The following RABGEF1 variants were observed in gnomAD, a reference collection of about 807,000 sequenced individuals.
The protein encoded by RABGEF1 is rab5 GDP/GTP exchange factor.
In RABGEF1, 26 loss-of-function variants were observed where a neutral mutation model predicts 57.3. The observed-to-expected ratio is 0.45, with a 90% CI of 0.33 to 0.63. RABGEF1 has a LOEUF of 0.63. RABGEF1 is among the 20% of genes least tolerant of loss of function. RABGEF1 has a pLI of 0.02. For synonymous variants in RABGEF1, 185 were observed against 210.7 expected (o/e 0.88, Z 1.06); for missense variants, 464 against 607.6 (o/e 0.76, Z 2.48).
intron 1 of RABGEF1, among the ~76,000 whole-genome samples, chr7:66,763,440 C>T (rs1310930051): frequency 1.3e-5 from 2 of 152,234 alleles, no homozygotes; most frequent in Non-Finnish European, 2.9e-5. Flanking sequence ...CTATTAGTCT[C>T]CTCCAGCTTC....
intron 2 of RABGEF1, among the ~76,000 whole-genome samples, chr7:66,734,016 A>C (rs565207540): frequency 6.6e-6 from 1 of 152,144 alleles, no homozygotes; most frequent in Non-Finnish European, 1.5e-5. Context: ...AAAACAAAAA[A>C]CAAAAAAAAC....
At chr7:66,741,592 AT>A (rs1798962263) in intron 1 of RABGEF1, among the ~76,000 whole-genome samples, 1 of 152,074 alleles carries the variant, frequency 6.6e-6, no homozygotes, top group Admixed American at 6.6e-5. Context: ...TGCCTTTGAG[AT>A]TAGGTAGGAA....
intron 2 of RABGEF1, among the ~76,000 whole-genome samples, chr7:66,719,854 T>A (rs1795807594): frequency 6.6e-6 from 1 of 152,190 alleles, no homozygotes; most frequent in Non-Finnish European, 1.5e-5. Context: ...ATAGCAGAAG[T>A]TATATGGCCT....
chr7:66,708,271 T>C (rs1201274666), intron 1 of RABGEF1, among the ~76,000 whole-genome samples: 2 of 151,908 alleles, frequency 1.3e-5, no homozygotes, highest in African/African-American at 2.4e-5. Flanking sequence ...GCCATGTAGT[T>C]TGGGTTTTTT....
intron 1 of RABGEF1, among the ~76,000 whole-genome samples, chr7:66,705,628 T>C (rs1027681479): frequency 2.0e-5 from 3 of 152,154 alleles, no homozygotes; most frequent in African/African-American, 7.2e-5. Flanking sequence ...CCATCAAAAT[T>C]AAGAAAGAAA....
chr7:66,763,998 T>C (rs1425066503), intron 1 of RABGEF1, among the ~76,000 whole-genome samples: 1 of 152,208 alleles, frequency 6.6e-6, no homozygotes, highest in Non-Finnish European at 1.5e-5. Context: ...AGTCTAGGAG[T>C]GAAATTGCTG....
chr7:66,671,899 C>G, the RABGEF1 span, among the ~76,000 whole-genome samples: 2 of 150,978 alleles, frequency 1.3e-5, no homozygotes, highest in East Asian at 3.9e-4. Flanking sequence ...TCACTACAGC[C>G]TTGACCTCCG....
At chr7:66,765,749 A>G (rs1028303763) in intron 1 of RABGEF1, among the ~76,000 whole-genome samples, 4 of 152,166 alleles carry the variant, frequency 2.6e-5, no homozygotes, top group Admixed American at 6.5e-5. Context: ...AACTCGAAGC[A>G]AAAGACTCTA....
intron 1 of RABGEF1, among the ~76,000 whole-genome samples, chr7:66,766,787 C>T (rs1244702150): frequency 1.3e-5 from 2 of 150,816 alleles, no homozygotes; most frequent in Non-Finnish European, 3.0e-5. Context: ...TGCAGTGGTG[C>T]GATCTCGGCT....
the RABGEF1 span, among the ~76,000 whole-genome samples, chr7:66,663,330 T>C: frequency 6.6e-6 from 1 of 152,214 alleles, no homozygotes; most frequent in Non-Finnish European, 1.5e-5. Context: ...CACGCCTCTA[T>C]ATTTTTGTGT....
chr7:66,712,539 C>T (rs1390017805), intron 2 of RABGEF1, among the ~76,000 whole-genome samples: 1 of 152,178 alleles, frequency 6.6e-6, no homozygotes, highest in Non-Finnish European at 1.5e-5. Context: ...GTCGTGATCA[C>T]AGCCCACTGC....
intron 2 of RABGEF1, 138 bp from the exon 3 acceptor site, chr7:66,775,089 G>A (rs944850295): frequency 1.1e-6 from 1 of 887,110 alleles, no homozygotes. Flanking sequence ...AGCAATGTGA[G>A]ACCTCAGACT....
intron 1 of RABGEF1, among the ~76,000 whole-genome samples, chr7:66,708,753 A>C (rs927248812): frequency 6.6e-6 from 1 of 152,104 alleles, no homozygotes; most frequent in Non-Finnish European, 1.5e-5. Context: ...TTGAGGTTGC[A>C]GTGAGGTATG....
At chr7:66,674,409 A>C in the RABGEF1 span, among the ~76,000 whole-genome samples, 3 of 151,896 alleles carry the variant, frequency 2.0e-5, no homozygotes, top group South Asian at 6.2e-4. Context: ...GCTGGTCTTG[A>C]ACTCCTGAGC....
At chr7:66,693,232 C>T (rs1331404544) in intron 1 of RABGEF1, among the ~76,000 whole-genome samples, 8 of 152,230 alleles carry the variant, frequency 5.3e-5, no homozygotes, top group East Asian at 1.9e-4. Context: ...TGTCCAGAGC[C>T]GGGCTGAATG....
Position 66,779,088 on chromosome 7 carries a change from C to T in RABGEF1, c.346+3695C>T, listed in dbSNP as rs949699102. On this transcript the variant is annotated intron_variant, in intron 3 of 8. Coordinates refer to ENST00000284957, the MANE Select transcript of RABGEF1 (RefSeq NM_014504.3). The stretch of plus-strand genomic sequence containing the variant: ...TGAGATCGTGCCACTCCAGCCTGGG[C>T]AACAAAGTGAGACTCCGTCTTAAAA... 3.3e-5 allele frequency among the ~76,000 whole-genome samples: 5 copies of T among 152,010 alleles called. No homozygotes were observed. In the South Asian group the frequency reaches 6.3e-4, roughly 19 times the overall value.
At position 66,809,941 on chromosome 7, in the gene RABGEF1, A is replaced by G. The variant is rs1374071579; in HGVS notation, c.*657A>G. 1 of 152,654 alleles carries G rather than the reference A, an allele frequency of 6.6e-6. No individual in the cohort carries two copies. The highest frequency in any genetic ancestry group is 1.5e-5 in the Non-Finnish European group (1 of 68,060). The allele number at this position is 152,654 out of a possible 1,614,324, so 9.5% of individuals were successfully genotyped here. On this transcript the variant is annotated 3_prime_UTR_variant, in exon 9 of 9. Transcript: ENST00000284957. ...GTTAGCCTTAACTTTGAGGTTCTAT[A>G]TAGTCAGAGACTATGACACCACTAA...
intron 1 of RABGEF1, among the ~76,000 whole-genome samples, chr7:66,752,424 G>C (rs1284372630): frequency 4.0e-5 from 6 of 151,720 alleles, no homozygotes; most frequent in African/African-American, 1.2e-4. Context: ...AAACCAGAAG[G>C]TGGAGGTTGC....
intron 1 of RABGEF1, among the ~76,000 whole-genome samples, chr7:66,691,796 G>A (rs889823528): frequency 6.6e-6 from 1 of 152,130 alleles, no homozygotes; most frequent in African/African-American, 2.4e-5. Context: ...GCTCACACCT[G>A]TAATCCCAAC....
Sources: allele counts gnomAD v4.1 joint callset (sites outside exome capture counted in the v4.1 genomes callset), GRCh38; gene constraint gnomAD v4.1.1; transcripts MANE v1.5; gene names NCBI Gene and HGNC (gene_info 2026-07-23, HGNC 2026-07-21).